The following LRP11 variants were observed in gnomAD, a reference collection of about 807,000 sequenced individuals.
The protein encoded by LRP11 is LDL receptor related protein 11, also known as low-density lipoprotein receptor-related protein 11.
In LRP11, 25 loss-of-function variants were observed where a neutral mutation model predicts 43.1. The ratio of observed to expected loss-of-function variants is 0.58; its 90% CI spans 0.42 to 0.81. The LOEUF is 0.81. LRP11 is among the 30% of genes least tolerant of loss of function. LRP11 has a pLI of 0.00. For missense variants in LRP11, 623 were observed against 665.1 expected (o/e 0.94, Z 0.70); for synonymous variants, 316 against 299.4 (o/e 1.06, Z -0.57).
At chr6:149,848,657 C>CTTA (rs1179537306) in intron 2 of LRP11, among the ~76,000 whole-genome samples, 2 of 151,922 alleles carry the variant, frequency 1.3e-5, no homozygotes, top group Non-Finnish European at 2.9e-5. Context: ...CATGTTCTCA[C>CTTA]TTATAAGTGG....
At position 149,863,886 on chromosome 6, in the gene LRP11, C is replaced by T; in HGVS notation, c.135G>A (p.Leu45=). 6.7e-7 allele frequency: 1 copy of T among 1,494,926 alleles called. No individual in the cohort carries two copies. Among genetic ancestry groups the T allele is most frequent in the South Asian group, 1.3e-5 (1 of 79,920 alleles). The allele number at this position is 1,494,926 out of a possible 1,614,324, so 92.6% of individuals were successfully genotyped here. A position where few individuals can be genotyped will look rare whatever the true frequency, so the allele number is the denominator to read the frequency against. The change falls in exon 1 of 7, where the codon CTG becomes CTA. Residue 45 remains leucine (L), a synonymous_variant. Transcript: ENST00000239367. ...GRAALPPAAP[L]SELHAQLSGV... ...CCGACAGCTGCGCGTGCAGTTCGGA[C>T]AGCGGCGCCGCGGGCGGCAAGGCCG...
chr6:149,862,441 C>T (rs1019634153), intron 1 of LRP11, among the ~76,000 whole-genome samples: 4 of 152,180 alleles, frequency 2.6e-5, no homozygotes, highest in African/African-American at 7.2e-5. Flanking sequence ...CATTCATGTC[C>T]AACCACTACC....
At position 149,856,397 on chromosome 6, in the gene LRP11, GATA is replaced by G. The variant is rs201220957; in HGVS notation, c.614-3240_614-3238del. On this transcript the variant is annotated intron_variant, in intron 1 of 6. Coordinates refer to ENST00000239367, the MANE Select transcript of LRP11 (RefSeq NM_032832.6). The stretch of plus-strand genomic sequence containing the variant: ...TCACTGATGTGTCTGAAATAACACA[GATA>G]ATGTTTCCTTTTCAGTTCAAGTCCA... Among the ~76,000 whole-genome samples the G allele has an allele frequency of 6.3e-3, 959 of 152,260 alleles. 16 individuals are homozygous for G. Among genetic ancestry groups the G allele is most frequent in the African/African-American group, 0.022 (912 of 41,550 alleles).
intron 3 of LRP11, among the ~76,000 whole-genome samples, chr6:149,839,075 T>G (rs1332211105): frequency 1.3e-5 from 2 of 151,604 alleles, no homozygotes; most frequent in Admixed American, 1.3e-4. Context: ...TTTTTTTTTT[T>G]GTAGATACAG....
At chr6:149,846,827 G>T (rs994615432) in intron 2 of LRP11, among the ~76,000 whole-genome samples, 2 of 152,018 alleles carry the variant, frequency 1.3e-5, no homozygotes, top group African/African-American at 4.8e-5. Flanking sequence ...CCAGCTACTT[G>T]GGAGGCTGAG....
chr6:149,858,434 C>A (rs1776836159), intron 1 of LRP11, among the ~76,000 whole-genome samples: 1 of 152,132 alleles, frequency 6.6e-6, no homozygotes, highest in Admixed American at 6.5e-5. Flanking sequence ...TTTTCTTAAT[C>A]CAGTCTATTA....
chr6:149,842,849 C>G (rs1390390539), intron 3 of LRP11, 134 bp downstream of exon 3: 2 of 1,227,362 alleles, frequency 1.6e-6, no homozygotes, highest in East Asian at 2.5e-5. Context: ...GTGTTTTTAG[C>G]AAAGACTCTC....
chr6:149,841,873 C>T (rs1311661721), intron 3 of LRP11, among the ~76,000 whole-genome samples: 2 of 152,058 alleles, frequency 1.3e-5, no homozygotes, highest in African/African-American at 2.4e-5. Flanking sequence ...GACTGCACCA[C>T]TGCACTCCCA....
chr6:149,853,671 C>T (rs1776756933), intron 1 of LRP11, among the ~76,000 whole-genome samples: 1 of 152,114 alleles, frequency 6.6e-6, no homozygotes, highest in South Asian at 2.1e-4. Flanking sequence ...CCACATCCTG[C>T]TAATTGTTTT....
rs1776258580 is a variant in LRP11, at chr6:149,820,204, A to G, written c.*345T>C. 1 of 175,092 alleles carries G rather than the reference A, an allele frequency of 5.7e-6. No homozygotes were observed. Among genetic ancestry groups the G allele is most frequent in the African/African-American group, 2.4e-5 (1 of 41,672 alleles). The allele number at this position is 175,092 out of a possible 1,614,324, so 10.8% of individuals were successfully genotyped here. A position where few individuals can be genotyped will look rare whatever the true frequency, so the allele number is the denominator to read the frequency against. ...CAGTCCAGCATGGTAAGGGGCCAACAGTTGGCTTCTAAAAGGTAATGGGTT... is the reference window on the plus strand; with the variant it reads ...CAGTCCAGCATGGTAAGGGGCCAACGGTTGGCTTCTAAAAGGTAATGGGTT... On this transcript the variant is annotated 3_prime_UTR_variant, in exon 7 of 7. Transcript: ENST00000239367.
Position 149,826,378 on chromosome 6 carries a change from A to T in LRP11, c.1253-19T>A, listed in dbSNP as rs1776340020. 1 of 1,570,610 alleles carries T rather than the reference A, an allele frequency of 6.4e-7. No homozygotes were observed. Among genetic ancestry groups the T allele is most frequent in the Admixed American group, 1.7e-5 (1 of 59,798 alleles). On this transcript the variant is annotated intron_variant, in intron 5 of 6. Coordinates refer to ENST00000239367, the MANE Select transcript of LRP11 (RefSeq NM_032832.6). The stretch of plus-strand genomic sequence containing the variant: ...CTACTATCTGCAGAAAAGAAAGAGA[A>T]CATATATTGAAGGTGTATGCATCAG...
chr6:149,860,501 A>G (rs943323231), intron 1 of LRP11, among the ~76,000 whole-genome samples: 2 of 151,864 alleles, frequency 1.3e-5, no homozygotes, highest in African/African-American at 4.8e-5. Context: ...TTCCTAGAAC[A>G]GTATCATGTA....
At chr6:149,854,512 T>G (rs2115413780) in intron 1 of LRP11, among the ~76,000 whole-genome samples, 1 of 152,350 alleles carries the variant, frequency 6.6e-6, no homozygotes, top group Non-Finnish European at 1.5e-5. Flanking sequence ...ACCGAAAGGA[T>G]AAGCTGTACA....
chr6:149,863,329 T>A lies in LRP11; in HGVS notation c.613+79A>T, dbSNP rs570558607. ...CGGCTAAAATAACTTGGCACGAGTG[T>A]GTTTCGCTTCCAACTTGGCGAGGGC... On this transcript the variant is annotated intron_variant, in intron 1 of 6. Coordinates refer to ENST00000239367, the MANE Select transcript of LRP11 (RefSeq NM_032832.6). 6.3e-5 allele frequency: 81 copies of A among 1,289,602 alleles called. 2 individuals are homozygous for A. The Middle Eastern group carries it at 9.3e-4, about 15-fold the overall frequency. 79.9% of individuals were successfully genotyped at this position (1,289,602 alleles called of 1,614,324 possible).
intron 5 of LRP11, among the ~76,000 whole-genome samples, chr6:149,831,904 C>A: frequency 6.6e-6 from 1 of 152,156 alleles, no homozygotes; most frequent in Admixed American, 6.5e-5. Flanking sequence ...CTTAAGCAAT[C>A]CACCTGCCTT....
chr6:149,842,493 A>G (rs1776562890), intron 3 of LRP11: 2 of 699,074 alleles, frequency 2.9e-6, no homozygotes, highest in East Asian at 2.7e-5. Flanking sequence ...ACAGATCACC[A>G]GAACCTGTTC....
At chr6:149,839,727 T>A (rs1194842490) in intron 3 of LRP11, among the ~76,000 whole-genome samples, 1 of 152,214 alleles carries the variant, frequency 6.6e-6, no homozygotes, top group African/African-American at 2.4e-5. Flanking sequence ...CAATCTCAGC[T>A]CACTGCAGCC....
Position 149,857,381 on chromosome 6 carries a change from T to C in LRP11, c.614-4221A>G, listed in dbSNP as rs76045025. 3.6e-3 allele frequency among the ~76,000 whole-genome samples: 542 copies of C among 151,864 alleles called. 4 individuals carry two copies. The highest frequency in any genetic ancestry group is 0.012 in the African/African-American group (514 of 41,426). On this transcript the variant is annotated intron_variant, in intron 1 of 6. Coordinates refer to ENST00000239367, the MANE Select transcript of LRP11 (RefSeq NM_032832.6). ...CCATCTCTACTAAAAATACAGAAAG[T>C]AGCCTGATGTGTGGCACATGCCTAT... is the stretch of plus-strand genomic sequence containing the variant.
chr6:149,835,142 A>G (rs780280137), intron 5 of LRP11, among the ~76,000 whole-genome samples: 3 of 152,198 alleles, frequency 2.0e-5, no homozygotes, highest in African/African-American at 4.8e-5. Context: ...GAATCCTGTA[A>G]TACTTATTGA....
Sources: allele counts gnomAD v4.1 joint callset (sites outside exome capture counted in the v4.1 genomes callset), GRCh38; gene constraint gnomAD v4.1.1; transcripts MANE v1.5; gene names NCBI Gene and HGNC (gene_info 2026-07-23, HGNC 2026-07-21).